ZSCAN5A: variants seen among roughly 807,000 people sequenced by gnomAD.
ZSCAN5A encodes the protein zinc finger and SCAN domain containing 5A.
ZSCAN5A carries 12 observed loss-of-function variants against 23.7 expected under a neutral mutation model. That is an observed-to-expected ratio of 0.51 (90% CI 0.32 to 0.82). The LOEUF (loss-of-function observed/expected upper bound fraction) is 0.82, where lower values mean the gene tolerates loss of function less well. ZSCAN5A is among the 40% of genes least tolerant of loss of function. The pLI, the probability that ZSCAN5A is intolerant of heterozygous loss-of-function variation, is 0.03. For missense variants in ZSCAN5A, 597 were observed against 617.9 expected (o/e 0.97, Z 0.36); for synonymous variants, 257 against 239.9 (o/e 1.07, Z -0.66).
chr19:56,330,112 A>G (rs1050081305), intron 2 of ZSCAN5A, among the ~76,000 whole-genome samples: 1 of 152,078 alleles, frequency 6.6e-6, no homozygotes, highest in East Asian at 1.9e-4. Flanking sequence ...GTGTTAATTC[A>G]CTTAGGATAA....
In ZSCAN5A at chr19:56,225,139, T is replaced by C. The variant is rs1337555191; in HGVS notation, c.-93A>G. 8 of 1,496,878 alleles carry C rather than the reference T, an allele frequency of 5.3e-6. No homozygotes were observed. The African/African-American group carries it at 1.1e-4, about 21-fold the overall frequency. 92.7% of individuals were successfully genotyped at this position (1,496,878 alleles called of 1,614,324 possible). On this transcript the variant is annotated 5_prime_UTR_variant, in exon 3 of 6. Coordinates refer to ENST00000683990, the MANE Select transcript of ZSCAN5A (RefSeq NM_001322064.3). ...CTATCTACACAGGCTTCCTCTGGTT[T>C]TCCTCAGTAATAGATTCACTGTTCA... is the stretch of plus-strand genomic sequence containing the variant.
intron 2 of ZSCAN5A, among the ~76,000 whole-genome samples, chr19:56,355,845 C>T (rs1464311335): frequency 6.7e-6 from 1 of 148,512 alleles, no homozygotes; most frequent in Non-Finnish European, 1.5e-5. Context: ...AGGTTTGAAT[C>T]AGGATTGGGA....
In ZSCAN5A at chr19:56,234,688, C is replaced by G. The variant is rs538030636; in HGVS notation, c.-127-9515G>C. The stretch of plus-strand genomic sequence containing the variant: ...AAACTCCCTGCCCTGTTCTGTTTCT[C>G]TCTGACCACCGGTGCATGCAGCCCC... On this transcript the variant is annotated intron_variant, in intron 2 of 5. Transcript: ENST00000683990. 1.4e-3 allele frequency among the ~76,000 whole-genome samples: 204 copies of G among 149,976 alleles called. 1 individual carries two copies. The highest frequency in any genetic ancestry group is 3.8e-3 in the Admixed American group (56 of 14,870).
At chr19:56,276,506 C>CTTTTTTT (rs3059506) in intron 2 of ZSCAN5A, among the ~76,000 whole-genome samples, 9 of 139,744 alleles carry the variant, frequency 6.4e-5, no homozygotes, top group African/African-American at 7.8e-5. Flanking sequence ...CTAAAGAGCT[C>CTTTTTTT]TTTTTTTTTT....
intron 2 of ZSCAN5A, among the ~76,000 whole-genome samples, chr19:56,301,103 T>C (rs571749423): frequency 1.1e-4 from 16 of 152,182 alleles, no homozygotes; most frequent in Admixed American, 7.8e-4. Context: ...CAGAGAGGGT[T>C]CTTGAATCTC....
rs61741090 is a variant in ZSCAN5A, at chr19:56,244,201, A to G, written c.-127-19028T>C. Reference sequence around the variant, plus strand: ...TGAACTTCAGGATGTTCAGCTGCCCAGAGGAGTCGGACCCCATCCAGGCTC... The same window carrying G: ...TGAACTTCAGGATGTTCAGCTGCCCGGAGGAGTCGGACCCCATCCAGGCTC... On this transcript the variant is annotated intron_variant, in intron 2 of 5. Coordinates refer to ENST00000683990, the MANE Select transcript of ZSCAN5A (RefSeq NM_001322064.3). 13,647 of 1,609,324 alleles carry G rather than the reference A, an allele frequency of 8.5e-3. 118 individuals carry two copies. The highest frequency in any genetic ancestry group is 0.042 in the African/African-American group (3,134 of 74,770).
At chr19:56,305,772 A>C (rs1285787666) in intron 2 of ZSCAN5A, among the ~76,000 whole-genome samples, 4 of 152,108 alleles carry the variant, frequency 2.6e-5, no homozygotes, top group African/African-American at 7.2e-5. Flanking sequence ...GAACTAAAGA[A>C]CCTTGCCCTG....
intron 2 of ZSCAN5A, among the ~76,000 whole-genome samples, chr19:56,331,578 CTTTTTTTTTTTTT>C (rs68085541): frequency 6.1e-5 from 3 of 48,964 alleles, no homozygotes; most frequent in Non-Finnish European, 1.2e-4. Context: ...GAATTGCATT[CTTTTTTTTTTTTT>C]TTTTTTTTTT....
chr19:56,262,422 T>G (rs2037191460), intron 2 of ZSCAN5A, among the ~76,000 whole-genome samples: 1 of 151,578 alleles, frequency 6.6e-6, no homozygotes, highest in Non-Finnish European at 1.5e-5. Context: ...TTTTTTTTTT[T>G]GTTTTTTTGT....
intron 2 of ZSCAN5A, among the ~76,000 whole-genome samples, chr19:56,302,581 C>CCTCTTCCTTTTCTTCCTCCCCTCTT (rs1555807487): frequency 5.0e-5 from 2 of 39,990 alleles, no homozygotes; most frequent in African/African-American, 3.5e-4. Flanking sequence ...TTCTTCCTCC[C>CCTCTTCCTTTTCTTCCTCCCCTCTT]CCTTTTCTTC....
In ZSCAN5A at chr19:56,255,434, G is replaced by A. The variant is rs148692759; in HGVS notation, c.-127-30261C>T. Among the ~76,000 whole-genome samples the A allele has an allele frequency of 3.4e-3, 522 of 151,984 alleles. 2 individuals are homozygous for A. The highest frequency in any genetic ancestry group is 0.012 in the African/African-American group (493 of 41,456). On this transcript the variant is annotated intron_variant, in intron 2 of 5. Transcript: ENST00000683990. ...AAGTCTGCCGCCCGCTGCTGCCCACGAGCAAACAGAAAAACAAAAAACCCA... is the reference window on the plus strand; with the variant it reads ...AAGTCTGCCGCCCGCTGCTGCCCACAAGCAAACAGAAAAACAAAAAACCCA...
chr19:56,222,018 C>T lies in ZSCAN5A; in HGVS notation c.1048G>A (p.Ala350Thr). ...SPVSHPDGQE[A>T]KALPPFACDV... is the part of the protein sequence containing the mutation. ...CATGCAAAGGGCGGCAGTGCCTTGGCTTCTTGGCCATCCGGGTGACTGACT... is the reference window on the plus strand; with the variant it reads ...CATGCAAAGGGCGGCAGTGCCTTGGTTTCTTGGCCATCCGGGTGACTGACT... The change falls in exon 6 of 6, where the codon GCC becomes ACC. Residue 350 changes from alanine to threonine, a missense_variant. This residue lies in a region of ZSCAN5A where 406 missense variants were observed against 353.2 expected (regional missense o/e 1.15). Coordinates refer to ENST00000683990, the MANE Select transcript of ZSCAN5A (RefSeq NM_001322064.3). 1 of 1,614,212 alleles carries T rather than the reference C, an allele frequency of 6.2e-7. No homozygotes were observed. Among genetic ancestry groups the T allele is most frequent in the Non-Finnish European group, 8.5e-7 (1 of 1,180,042 alleles).
At position 56,235,305 on chromosome 19, in the gene ZSCAN5A, G is replaced by T. The variant is rs62122504; in HGVS notation, c.-127-10132C>A. ...CCAAGCCTCCACTCCAGCCTCTGAT[G>T]GACCGTGGGCCAAGTCTCCACTCCA... On this transcript the variant is annotated intron_variant, in intron 2 of 5. Transcript: ENST00000683990. Among the ~76,000 whole-genome samples the T allele has an allele frequency of 8.8e-3, 184 of 20,902 alleles. 1 individual carries two copies. Among genetic ancestry groups the T allele is most frequent in the Non-Finnish European group, 9.4e-3 (97 of 10,306 alleles). The allele number at this position is 20,902 out of a possible 152,430, so 13.7% of individuals were successfully genotyped here.
chr19:56,251,848 C>A (rs1222282219), intron 2 of ZSCAN5A, among the ~76,000 whole-genome samples: 1 of 152,168 alleles, frequency 6.6e-6, no homozygotes, highest in African/African-American at 2.4e-5. Flanking sequence ...CAGATGTGAA[C>A]CAGCACACCT....
chr19:56,302,584 T>TCTTCC (rs1568726650), intron 2 of ZSCAN5A, among the ~76,000 whole-genome samples: 6 of 37,202 alleles, frequency 1.6e-4, no homozygotes, highest in African/African-American at 1.5e-3. Flanking sequence ...TTCCTCCCCC[T>TCTTCC]TTTCTTCCTC....
intron 2 of ZSCAN5A, among the ~76,000 whole-genome samples, chr19:56,261,416 C>A (rs2037122434): frequency 6.6e-6 from 1 of 152,116 alleles, no homozygotes; most frequent in South Asian, 2.1e-4. Context: ...GACATCTGAG[C>A]TGGGACTTTC....
Position 56,329,010 on chromosome 19 carries a change from T to TA in ZSCAN5A, c.-357-12743dup, listed in dbSNP as rs1376370013. 3.2e-4 allele frequency among the ~76,000 whole-genome samples: 44 copies of TA among 136,608 alleles called. No individual in the cohort carries two copies. In the East Asian group the frequency reaches 7.0e-3, roughly 22 times the overall value. The allele number at this position is 136,608 out of a possible 152,430, so 89.6% of individuals were successfully genotyped here. A position where few individuals can be genotyped will look rare whatever the true frequency, so the allele number is the denominator to read the frequency against. On this transcript the variant is annotated intron_variant, in intron 2 of 6. Coordinates refer to the ZSCAN5A transcript ENST00000587340. ...ACTCCGTCTCAAAAAAAAAAAAAAA[T>TA]AAATAAATAAATAAATAAAAGAAAT...
intron 2 of ZSCAN5A, among the ~76,000 whole-genome samples, chr19:56,301,039 G>A (rs906347161): frequency 2.6e-5 from 4 of 152,172 alleles, no homozygotes; most frequent in African/African-American, 9.7e-5. Flanking sequence ...GAAGCCTGGG[G>A]ATGGGGGAGA....
chr19:56,284,173 ACT>A, intron 2 of ZSCAN5A: 1 of 985,328 alleles, frequency 1.0e-6, no homozygotes. Flanking sequence ...CACCATGCTG[ACT>A]CTCCTGGATG....
Sources: gnomAD v4.1 joint callset for allele counts (sites outside exome capture counted in the v4.1 genomes callset) on GRCh38, gnomAD v4.1.1 for gene constraint, gnomAD v4.1.1 regional missense constraint, MANE v1.5 for transcripts, NCBI Gene and HGNC (gene_info 2026-07-23, HGNC 2026-07-21) for gene names.